IFIT1: variants seen among roughly 807,000 people sequenced by gnomAD.
The protein encoded by IFIT1 is antiviral innate immune response effector IFIT1.
In IFIT1, 1 loss-of-function variant was observed where a neutral mutation model predicts 2.5. The observed-to-expected ratio is 0.40, with a 90% CI of 0.14 to 1.92. The LOEUF is 1.92. Ranked by LOEUF, IFIT1 falls within the 40% of genes most tolerant of loss-of-function variation. The probability of loss-of-function intolerance (pLI) is 0.31; values close to 1 mark genes in which losing one functional copy is unlikely to be tolerated. For synonymous variants in IFIT1, 191 were observed against 201.7 expected, an observed-to-expected ratio of 0.95 and a Z score of 0.45; for missense variants, 508 against 557.8, an observed-to-expected ratio of 0.91 and a Z score of 0.90.
chr10:89,395,822 A>G (rs995258812), intron 1 of IFIT1, among the ~76,000 whole-genome samples: 9 of 104,284 alleles, frequency 8.6e-5, no homozygotes, highest in Non-Finnish European at 2.0e-4. Context: ...AAAATTAGGA[A>G]AAAAAAAAAT....
In IFIT1 at chr10:89,403,180, TCAAG is replaced by T. The variant is rs1844467604; in HGVS notation, c.906_909del (p.Ile302MetfsTer16). 1 of 1,613,576 alleles carries T rather than the reference TCAAG, an allele frequency of 6.2e-7. No individual in the cohort carries two copies. Among genetic ancestry groups the T allele is most frequent in the East Asian group, 2.2e-5 (1 of 44,880 alleles). On this transcript the variant is annotated frameshift_variant, in exon 2 of 2. Coordinates refer to ENST00000371804, the MANE Select transcript of IFIT1 (RefSeq NM_001548.5). LOFTEE classifies it low-confidence loss of function (END_TRUNC). ...TGCTACAAGGCACAAATGATCCAAA[TCAAG>T]GAGGCTACAAAAGGGCAGCCTAGAG...
chr10:89,392,836 G>A (rs303218), intron 1 of IFIT1, 119 bp downstream of exon 1: 218,532 of 1,012,666 alleles, frequency 0.22, 27,805 homozygotes, highest in East Asian at 0.51. Flanking sequence ...CTCGATTTGA[G>A]TATCTGCTTA....
At chr10:89,392,957 C>A in intron 1 of IFIT1, 1 of 663,512 alleles carries the variant, frequency 1.5e-6, no homozygotes, top group Non-Finnish European at 2.5e-6. Flanking sequence ...CATGCTATAG[C>A]CCAAAGAAGG....
chr10:89,401,458 A>T (rs1844422214), intron 1 of IFIT1, among the ~76,000 whole-genome samples: 1 of 152,116 alleles, frequency 6.6e-6, no homozygotes, highest in African/African-American at 2.4e-5. Context: ...TACAGAGATG[A>T]AGAACAAATT....
At chr10:89,401,369 C>T (rs1367501148) in intron 1 of IFIT1, among the ~76,000 whole-genome samples, 4 of 152,074 alleles carry the variant, frequency 2.6e-5, no homozygotes, top group African/African-American at 9.7e-5. Context: ...GATCCACCTG[C>T]CTCGGCCTCC....
chr10:89,393,300 A>C, intron 1 of IFIT1: 3 of 1,288,688 alleles, frequency 2.3e-6, no homozygotes, highest in Non-Finnish European at 3.0e-6. Context: ...GCTGAGCTTA[A>C]GATAAACAGA....
Position 89,403,471 on chromosome 10 carries a change from T to G in IFIT1, c.1196T>G (p.Ile399Ser), listed in dbSNP as rs558170816. ...CAAAAGAAATCTGACGTCAATGCAA[T>G]TATCCATTATTTAAAAGCTATAAAA... is the stretch of plus-strand genomic sequence containing the variant. ...EFQKKSDVNA[I>S]IHYLKAIKIE... The change falls in exon 2 of 2, where the codon ATT (isoleucine) becomes AGT (serine). Residue 399 changes from isoleucine (I) to serine (S), a missense_variant. By Grantham distance (142) the Ile-to-Ser change is moderately radical (BLOSUM62 -2). Transcript: ENST00000371804. The G allele has an allele frequency of 1.3e-5, 21 of 1,612,782 alleles. 1 individual carries two copies. The Admixed American group carries it at 3.3e-4, about 26-fold the overall frequency.
chr10:89,403,748 A>G lies in IFIT1; in HGVS notation c.*36A>G. 1 of 1,131,218 alleles carries G rather than the reference A, an allele frequency of 8.8e-7. No individual in the cohort carries two copies. Among genetic ancestry groups the G allele is most frequent in the Non-Finnish European group, 1.3e-6 (1 of 780,442 alleles). The allele number at this position is 1,131,218 out of a possible 1,614,324, so 70.1% of individuals were successfully genotyped here. A position where few individuals can be genotyped will look rare whatever the true frequency, so the allele number is the denominator to read the frequency against. On this transcript the variant is annotated 3_prime_UTR_variant, in exon 2 of 2. Coordinates refer to ENST00000371804, the MANE Select transcript of IFIT1 (RefSeq NM_001548.5). ...ATCAGCCACTTTCACATTTCATTTC[A>G]TTTTATGCTAACATTTACTAATCAT...
chr10:89,392,662 G>A lies in IFIT1; in HGVS notation c.-51G>A, dbSNP rs1001949169. ...AAGACAGAATAGCCAGATCTCAGAGGAGCCTGGCTAAGCAAAACCCTGCAG... is the reference window on the plus strand; with the variant it reads ...AAGACAGAATAGCCAGATCTCAGAGAAGCCTGGCTAAGCAAAACCCTGCAG... On this transcript the variant is annotated 5_prime_UTR_variant, in exon 1 of 2. Transcript: ENST00000371804. 9 of 1,605,482 alleles carry A rather than the reference G, an allele frequency of 5.6e-6. No individual in the cohort carries two copies. The highest frequency in any genetic ancestry group is 2.7e-5 in the African/African-American group (2 of 74,714).
chr10:89,392,828 C>A, intron 1 of IFIT1, 111 bp downstream of exon 1: 4 of 1,095,668 alleles, frequency 3.7e-6, no homozygotes, highest in South Asian at 1.3e-5. Context: ...TCTAATTCCT[C>A]GATTTGAGTA....
rs538760171 is a variant in IFIT1, at chr10:89,398,359, C to A, written c.6-3922C>A. On this transcript the variant is annotated intron_variant, in intron 1 of 1. Coordinates refer to ENST00000371804, the MANE Select transcript of IFIT1 (RefSeq NM_001548.5). ...GGGAACAATAAATGTTAATTCCCTA[C>A]AGGTTGTGTTGGCTCCAGGTTTTCG... Among the ~76,000 whole-genome samples, 3 of 152,308 alleles carry A rather than the reference C, an allele frequency of 2.0e-5. No individual in the cohort carries two copies. The South Asian group carries it at 6.2e-4, about 32-fold the overall frequency.
chr10:89,395,834 C>A (rs1844335703), intron 1 of IFIT1, among the ~76,000 whole-genome samples: 1 of 151,896 alleles, frequency 6.6e-6, no homozygotes, highest in Admixed American at 6.6e-5. Flanking sequence ...AAAAAAAATA[C>A]AACAGTGACC....
At chr10:89,396,865 T>C (rs1392976819) in intron 1 of IFIT1, among the ~76,000 whole-genome samples, 1 of 152,242 alleles carries the variant, frequency 6.6e-6, no homozygotes. Context: ...TGCTAGTCCT[T>C]TGTGATTCTT....
intron 1 of IFIT1, chr10:89,393,337 T>A: frequency 7.9e-7 from 1 of 1,269,376 alleles, no homozygotes; most frequent in Non-Finnish European, 1.0e-6. Context: ...AAATCTAGGC[T>A]CTTGGTACGT....
chr10:89,396,052 G>T (rs1306921141), intron 1 of IFIT1, among the ~76,000 whole-genome samples: 1 of 152,142 alleles, frequency 6.6e-6, no homozygotes, highest in Non-Finnish European at 1.5e-5. Context: ...CTGTGTGCAA[G>T]TTTTTATTTG....
rs1028243267 is a variant in IFIT1 at position 89,403,090 on chromosome 10, A to C, written c.815A>C (p.Glu272Ala). Residue 272 changes from glutamate (E) to alanine (A), a missense_variant, in exon 2 of 2, where the codon GAG becomes GCG. Physicochemically the swap from Glu to Ala is moderately radical, Grantham distance 107. Coordinates refer to ENST00000371804, the MANE Select transcript of IFIT1 (RefSeq NM_001548.5). ...RRKGSVDKAL[E>A]LLKKALQETP... Reference sequence around the variant, plus strand: ...AAAGGCTCTGTGGATAAAGCTCTTGAGTTATTAAAAAAGGCCTTGCAGGAA... The same window carrying C: ...AAAGGCTCTGTGGATAAAGCTCTTGCGTTATTAAAAAAGGCCTTGCAGGAA... 1.2e-6 allele frequency: 2 copies of C among 1,614,072 alleles called. No individual in the cohort carries two copies. Among genetic ancestry groups the C allele is most frequent in the African/African-American group, 2.7e-5 (2 of 74,930 alleles).
intron 1 of IFIT1, among the ~76,000 whole-genome samples, chr10:89,398,640 T>C (rs770523360): frequency 2.6e-5 from 4 of 152,256 alleles, no homozygotes; most frequent in Non-Finnish European, 5.9e-5. Context: ...ATTGTCCTTT[T>C]GTGACTGGCT....
At chr10:89,393,435 T>A in intron 1 of IFIT1, 2 of 614,318 alleles carry the variant, frequency 3.3e-6, no homozygotes, top group Non-Finnish European at 4.8e-6. Context: ...TCAGCTGATT[T>A]AAAAACCATT....
Position 89,399,119 on chromosome 10 carries a change from G to A in IFIT1, c.6-3162G>A, listed in dbSNP as rs551182074. On this transcript the variant is annotated intron_variant, in intron 1 of 1. Transcript: ENST00000371804. ...TGGTTTTTATTTGCATTTCACTAAT[G>A]ATTAGTGATATTGAGCATCTTTGCA... Among the ~76,000 whole-genome samples, 4 of 152,104 alleles carry A rather than the reference G, an allele frequency of 2.6e-5. No homozygotes were observed. In the South Asian group the frequency reaches 8.3e-4, roughly 32 times the overall value.
Sources: gnomAD v4.1 joint callset for allele counts (sites outside exome capture counted in the v4.1 genomes callset) on GRCh38, gnomAD v4.1.1 for gene constraint, MANE v1.5 for transcripts, NCBI Gene and HGNC (gene_info 2026-07-23, HGNC 2026-07-21) for gene names.